The following MTUS2 variants were observed in gnomAD, a reference collection of about 807,000 sequenced individuals.
MTUS2 encodes the protein microtubule-associated tumor suppressor candidate 2.
In MTUS2, 40 loss-of-function variants were observed where a neutral mutation model predicts 114.1. The ratio of observed to expected loss-of-function variants is 0.35; its 90% CI spans 0.27 to 0.46. The LOEUF is 0.46. MTUS2 is among the 20% of genes least tolerant of loss of function. The probability of loss-of-function intolerance (pLI) is 1.00; values close to 1 mark genes in which losing one functional copy is unlikely to be tolerated. For missense variants in MTUS2, 1,679 were observed against 1,705.4 expected, an observed-to-expected ratio of 0.98 and a Z score of 0.27; for synonymous variants, 688 against 672.0, an observed-to-expected ratio of 1.02 and a Z score of -0.37.
At position 29,025,597 on chromosome 13, in the gene MTUS2, A is replaced by G; in HGVS notation, c.899A>G (p.Gln300Arg). The G allele has an allele frequency of 6.2e-7, 1 of 1,614,004 alleles. No homozygotes were observed. The highest frequency in any genetic ancestry group is 8.5e-7 in the Non-Finnish European group (1 of 1,179,876). The change falls in exon 3 of 16, where the codon CAA becomes CGA. Residue 300 changes from glutamine to arginine, a missense_variant. Gln to Arg is a conservative substitution (Grantham distance 43). Around this residue, in one of 3 missense-constraint regions of MTUS2, gnomAD observed 843 missense variants for 770.8 expected, o/e 1.09. Transcript: ENST00000612955. The stretch of plus-strand genomic sequence containing the variant: ...GAAATCCCAAGTAAACTGGAAGCAC[A>G]ATTAGGTCAGGGAAAGGGAGAGGCC... ...SKEIPSKLEA[Q>R]LGQGKGEAKL...
chr13:28,898,086 G>A (rs1268190148), intron 2 of MTUS2, among the ~76,000 whole-genome samples: 1 of 152,032 alleles, frequency 6.6e-6, no homozygotes, highest in Non-Finnish European at 1.5e-5. Flanking sequence ...TTGGGGGGCT[G>A]GGGAGTGGGC....
At chr13:28,969,082 G>A (rs1401549112) in intron 2 of MTUS2, among the ~76,000 whole-genome samples, 2 of 151,894 alleles carry the variant, frequency 1.3e-5, no homozygotes, top group Non-Finnish European at 2.9e-5. Context: ...TGCTCTGTTG[G>A]CCAGGTTAGA....
At chr13:28,882,946 A>G (rs1427445840) in intron 2 of MTUS2, among the ~76,000 whole-genome samples, 1 of 152,162 alleles carries the variant, frequency 6.6e-6, no homozygotes, top group East Asian at 1.9e-4. Flanking sequence ...AACTCTCAAA[A>G]CTCAGTAATA....
intron 9 of MTUS2, among the ~76,000 whole-genome samples, chr13:29,446,729 G>T (rs189901032): frequency 6.6e-6 from 1 of 152,262 alleles, no homozygotes; most frequent in Admixed American, 6.5e-5. Flanking sequence ...TGTAAATCAA[G>T]ATTATGGTGG....
Position 29,033,916 on chromosome 13 carries a change from G to T in MTUS2, c.2237G>T (p.Cys746Phe), listed in dbSNP as rs1472387074. The T allele has an allele frequency of 6.2e-7, 1 of 1,613,804 alleles. No homozygotes were observed. The highest frequency in any genetic ancestry group is 1.3e-5 in the African/African-American group (1 of 74,916). Residue 746 changes from cysteine to phenylalanine, a missense_variant, in exon 4 of 16, where the codon TGT (cysteine) becomes TTT (phenylalanine). Physicochemically the swap from Cys to Phe is radical, Grantham distance 205. Around this residue, in one of 3 missense-constraint regions of MTUS2, gnomAD observed 822 missense variants for 899.7 expected, o/e 0.91. Transcript: ENST00000612955. ...VTDHPGKEEF[C>F]SPPYAHYEVP... The stretch of plus-strand genomic sequence containing the variant: ...GACCACCCTGGAAAAGAAGAGTTTT[G>T]TTCTCCTCCCTATGCTCATTATGAA...
intron 5 of MTUS2, among the ~76,000 whole-genome samples, chr13:29,193,318 T>C (rs1015307533): frequency 6.6e-6 from 1 of 152,088 alleles, no homozygotes; most frequent in African/African-American, 2.4e-5. Context: ...GTGAAGTGCC[T>C]GAGGGCCAGG....
At chr13:29,084,781 A>AT (rs1555234164) in intron 4 of MTUS2, among the ~76,000 whole-genome samples, 1 of 92,158 alleles carries the variant, frequency 1.1e-5, no homozygotes, top group Non-Finnish European at 2.2e-5. Flanking sequence ...CAGGTGATCC[A>AT]CCCCCCCCCC....
intron 5 of MTUS2, among the ~76,000 whole-genome samples, chr13:29,220,124 T>TA (rs1406995127): frequency 6.6e-6 from 1 of 152,110 alleles, no homozygotes; most frequent in Admixed American, 6.5e-5. Flanking sequence ...GCCTCCCAAG[T>TA]AGCTGGGGTT....
chr13:29,353,872 T>G lies in MTUS2; in HGVS notation c.2906-5390T>G, dbSNP rs1869507368. 2.6e-5 allele frequency among the ~76,000 whole-genome samples: 4 copies of G among 152,178 alleles called. No individual in the cohort carries two copies. In the South Asian group the frequency reaches 8.3e-4, roughly 32 times the overall value. ...TTGTCCCACTAATCCTTGGCAGAGT[T>G]CTGTCCCCATCCTGAGATCCTCTCT... On this transcript the variant is annotated intron_variant, in intron 7 of 15. Transcript: ENST00000612955.
intron 2 of MTUS2, among the ~76,000 whole-genome samples, chr13:28,955,453 GT>G (rs1883015428): frequency 6.6e-6 from 1 of 152,150 alleles, no homozygotes; most frequent in Admixed American, 6.5e-5. Flanking sequence ...GCCCACTTAG[GT>G]CCTCTTTAAT....
chr13:29,261,267 C>T (rs1897461679), intron 5 of MTUS2, among the ~76,000 whole-genome samples: 1 of 152,192 alleles, frequency 6.6e-6, no homozygotes, highest in African/African-American at 2.4e-5. Flanking sequence ...TCCCCAGAAG[C>T]TAAGTCAAAG....
intron 6 of MTUS2, among the ~76,000 whole-genome samples, chr13:29,316,230 C>A (rs1899983291): frequency 6.6e-6 from 1 of 152,148 alleles, no homozygotes; most frequent in South Asian, 2.1e-4. Context: ...GACCTCCTGA[C>A]CAGGACATAG....
At chr13:29,023,198 G>A (rs1057408419) in intron 2 of MTUS2, among the ~76,000 whole-genome samples, 1 of 152,170 alleles carries the variant, frequency 6.6e-6, no homozygotes, top group Non-Finnish European at 1.5e-5. Context: ...GAGGCAGAGA[G>A]TAATGAACAT....
rs150208092 is a variant in MTUS2 at position 29,411,101 on chromosome 13, G to T, written c.3118-28882G>T. 3.2e-3 allele frequency among the ~76,000 whole-genome samples: 485 copies of T among 152,216 alleles called. 4 individuals carry two copies. The highest frequency in any genetic ancestry group is 0.011 in the African/African-American group (455 of 41,512). Reference sequence around the variant, plus strand: ...CCTGCATTGGCCTCCCAAAGTGCTGGCTCATGCTCACAGGCTTGAGCCACT... The same window carrying T: ...CCTGCATTGGCCTCCCAAAGTGCTGTCTCATGCTCACAGGCTTGAGCCACT... On this transcript the variant is annotated intron_variant, in intron 8 of 15. Transcript: ENST00000612955.
chr13:28,837,914 C>G (rs924229248), intron 1 of MTUS2, among the ~76,000 whole-genome samples: 3 of 151,738 alleles, frequency 2.0e-5, no homozygotes, highest in African/African-American at 7.3e-5. Flanking sequence ...GTCAGATTTA[C>G]TTTGCTTGCA....
Position 28,898,261 on chromosome 13 carries a change from A to G in MTUS2, c.-243+58411A>G, listed in dbSNP as rs111985643. 6.6e-3 allele frequency among the ~76,000 whole-genome samples: 1,003 copies of G among 152,306 alleles called. 5 individuals carry two copies. Among genetic ancestry groups the G allele is most frequent in the African/African-American group, 0.022 (916 of 41,556 alleles). On this transcript the variant is annotated intron_variant, in intron 2 of 15. Transcript: ENST00000612955. The stretch of plus-strand genomic sequence containing the variant: ...CTTCCAAATCATGGGGTAGCATGGC[A>G]TGGTTTAAAGGCTGGTGAGTGAGCC...
chr13:29,410,213 C>T (rs1445339836), intron 8 of MTUS2, among the ~76,000 whole-genome samples: 2 of 151,920 alleles, frequency 1.3e-5, no homozygotes, highest in African/African-American at 4.8e-5. Context: ...CAACCTCTGC[C>T]TCCTGGGTTC....
At chr13:28,823,522 CATCT>C (rs1031723589) in intron 1 of MTUS2, among the ~76,000 whole-genome samples, 16 of 152,292 alleles carry the variant, frequency 1.1e-4, no homozygotes, top group African/African-American at 3.6e-4. Flanking sequence ...ATCCATCAGT[CATCT>C]ATCTACCATC....
chr13:29,059,454 A>G (rs1339331952), intron 4 of MTUS2, among the ~76,000 whole-genome samples: 2 of 152,026 alleles, frequency 1.3e-5, no homozygotes, highest in Non-Finnish European at 2.9e-5. Context: ...ATCAGCCCTA[A>G]TCTACTCTCT....
Sources: allele counts gnomAD v4.1 joint callset (sites outside exome capture counted in the v4.1 genomes callset), GRCh38; gene constraint gnomAD v4.1.1; regional missense constraint gnomAD v4.1.1; transcripts MANE v1.5; gene names NCBI Gene and HGNC (gene_info 2026-07-23, HGNC 2026-07-21).